Variants in TRIOBP observed in about 807,000 individuals in gnomAD.
The protein encoded by TRIOBP is TRIO and F-actin-binding protein.
TRIOBP carries 169 observed loss-of-function variants against 238.8 expected under a neutral mutation model. The observed-to-expected ratio is 0.71, with a 90% CI of 0.62 to 0.80. TRIOBP has a LOEUF of 0.80. TRIOBP is among the 30% of genes least tolerant of loss of function. TRIOBP has a pLI of 0.00. For missense variants in TRIOBP, 2,838 were observed against 3,122.6 expected (o/e 0.91, Z 2.17); for synonymous variants, 1,150 against 1,274.4 (o/e 0.90, Z 2.08).
intron 11 of TRIOBP, chr22:37,751,363 G>C (rs544814323): frequency 5.9e-6 from 2 of 339,694 alleles, no homozygotes; most frequent in East Asian, 7.8e-5. Context: ...CTTGGTCCTC[G>C]TCAGAGGGAG....
At chr22:37,769,653 T>C (rs1384294507) in intron 21 of TRIOBP, among the ~76,000 whole-genome samples, 1 of 152,216 alleles carries the variant, frequency 6.6e-6, no homozygotes, top group Non-Finnish European at 1.5e-5. Flanking sequence ...GCACCTTCCT[T>C]ACTGGGAAAT....
At chr22:37,760,970 CAAA>C (rs1011701001) in intron 17 of TRIOBP, among the ~76,000 whole-genome samples, 5 of 108,298 alleles carry the variant, frequency 4.6e-5, no homozygotes, top group Admixed American at 1.0e-4. Context: ...GACTCCATCT[CAAA>C]AAAAAAAAAA....
Position 37,758,037 on chromosome 22 carries a change from C to T in TRIOBP, c.6112C>T (p.Leu2038=). 1 of 1,611,824 alleles carries T rather than the reference C, an allele frequency of 6.2e-7. No homozygotes were observed. Among genetic ancestry groups the T allele is most frequent in the Non-Finnish European group, 8.5e-7 (1 of 1,179,620 alleles). Reference sequence around the variant, plus strand: ...GTGGCAGGAGCTGGAGAAGCTGCCCCTGCGGGAGAATAAGCGGGTGCCCCT... The same window carrying T: ...GTGGCAGGAGCTGGAGAAGCTGCCCTTGCGGGAGAATAAGCGGGTGCCCCT... ...KKWQELEKLP[L]RENKRVPLTA... is the part of the protein sequence containing the mutation. The change falls in exon 16 of 24, where the codon CTG becomes TTG. Residue 2038 remains leucine, a synonymous_variant. Transcript: ENST00000644935.
chr22:37,720,000 C>CCTTT (rs1923747483), intron 6 of TRIOBP, among the ~76,000 whole-genome samples: 1 of 54,348 alleles, frequency 1.8e-5, no homozygotes, highest in Non-Finnish European at 3.2e-5. Flanking sequence ...CCCCCCCGCC[C>CCTTT]TTTTTTTTTT....
chr22:37,769,313 G>A lies in TRIOBP; in HGVS notation c.6787G>A (p.Ala2263Thr), dbSNP rs1182650027. 3 of 1,611,872 alleles carry A rather than the reference G, an allele frequency of 1.9e-6. No homozygotes were observed. Among genetic ancestry groups the A allele is most frequent in the East Asian group, 4.5e-5 (2 of 44,824 alleles). The change falls in exon 21 of 24, where the codon GCC becomes ACC. Residue 2263 changes from alanine (A) to threonine (T), a missense_variant. Physicochemically the swap from Ala to Thr is moderately conservative, Grantham distance 58 (BLOSUM62 0). Transcript: ENST00000644935. ...GATAGACCAGCTGCGCGGCTTCATT[G>A]CCTCGCAGGGCATGGGCAATGGCTG... ...EEIDQLRGFI[A>T]SQGMGNGCGR...
chr22:37,750,081 C>T (rs1014047801), intron 11 of TRIOBP, among the ~76,000 whole-genome samples: 2 of 152,176 alleles, frequency 1.3e-5, no homozygotes, highest in Admixed American at 6.5e-5. Context: ...TGTACAGACA[C>T]GTTCAGTCCT....
In TRIOBP at chr22:37,750,677, G is replaced by T. The variant is rs1281160530; in HGVS notation, c.5323-1095G>T. The stretch of plus-strand genomic sequence containing the variant: ...AGGGGCTGGGATGCCAACCTACTGG[G>T]TCCCCCGACTGTGGCTGTGGAAGGT... On this transcript the variant is annotated intron_variant, in intron 11 of 23. Transcript: ENST00000644935. The T allele has an allele frequency of 6.4e-6, 3 of 471,138 alleles. No homozygotes were observed. In the Admixed American group the frequency reaches 7.0e-5, roughly 11 times the overall value. The allele number at this position is 471,138 out of a possible 1,614,324, so 29.2% of individuals were successfully genotyped here. A position where few individuals can be genotyped will look rare whatever the true frequency, so the allele number is the denominator to read the frequency against.
At chr22:37,751,905 T>A (rs1206424969) in intron 12 of TRIOBP, 77 bp downstream of exon 12, 23 of 480,110 alleles carry the variant, frequency 4.8e-5, no homozygotes, top group Non-Finnish European at 7.0e-5. Context: ...GGAGTGGGGG[T>A]GGGGCTGGGG....
chr22:37,739,976 C>T (rs1456011512), intron 10 of TRIOBP, among the ~76,000 whole-genome samples: 1 of 152,226 alleles, frequency 6.6e-6, no homozygotes, highest in African/African-American at 2.4e-5. Context: ...TTCATGCATT[C>T]TTTCACACAC....
intron 6 of TRIOBP, among the ~76,000 whole-genome samples, chr22:37,721,019 G>A (rs1264616774): frequency 7.4e-5 from 9 of 122,004 alleles, no homozygotes; most frequent in African/African-American, 7.3e-5. Context: ...TACTGCATCC[G>A]GCTAATTTTT....
chr22:37,760,444 C>T (rs1312864435), intron 17 of TRIOBP: 1 of 152,218 alleles, frequency 6.6e-6, no homozygotes, highest in African/African-American at 2.4e-5. Context: ...TCACACTATT[C>T]ACTAGGATTT....
In TRIOBP at chr22:37,717,374, C is replaced by G. The variant is rs143012274; in HGVS notation, c.628+1440C>G. ...TCCACAGCATGGAAGAGGACCCGAG[C>G]GGGTTGCCAGAGCTGGCTGGGGCAG... On this transcript the variant is annotated intron_variant, in intron 6 of 23. Coordinates refer to ENST00000644935, the MANE Select transcript of TRIOBP (RefSeq NM_001039141.3). Among the ~76,000 whole-genome samples, 766 of 152,286 alleles carry G rather than the reference C, an allele frequency of 5.0e-3. 8 individuals are homozygous for G. The highest frequency in any genetic ancestry group is 0.018 in the African/African-American group (735 of 41,564).
At position 37,725,175 on chromosome 22, in the gene TRIOBP, C is replaced by T. The variant is rs774057845; in HGVS notation, c.2619C>T (p.Thr873=). 2 of 1,614,102 alleles carry T rather than the reference C, an allele frequency of 1.2e-6. No individual in the cohort carries two copies. Among genetic ancestry groups the T allele is most frequent in the Non-Finnish European group, 1.7e-6 (2 of 1,180,004 alleles). Reference sequence around the variant, plus strand: ...GAACCTCCTCATCTCAATGCTGCACCCAAAAGGAGAATCTGAGACCATCAT... The same window carrying T: ...GAACCTCCTCATCTCAATGCTGCACTCAAAAGGAGAATCTGAGACCATCAT... The part of the protein sequence containing the change: ...NPGTSSSQCC[T]QKENLRPSSP... The change falls in exon 7 of 24, where the codon ACC becomes ACT. Residue 873 remains threonine (T), a synonymous_variant. Transcript: ENST00000644935.
chr22:37,736,456 T>A (rs1234768898), intron 9 of TRIOBP, among the ~76,000 whole-genome samples: 2 of 152,138 alleles, frequency 1.3e-5, no homozygotes, highest in Non-Finnish European at 2.9e-5. Flanking sequence ...CACCCCGTGC[T>A]GGGCCCAGGG....
intron 22 of TRIOBP, among the ~76,000 whole-genome samples, chr22:37,772,090 G>A (rs974076019): frequency 6.6e-6 from 1 of 152,232 alleles, no homozygotes; most frequent in Admixed American, 6.5e-5. Flanking sequence ...ACTCCAGTGA[G>A]AATAACCACG....
intron 15 of TRIOBP, among the ~76,000 whole-genome samples, chr22:37,757,036 T>C (rs540438179): frequency 6.6e-6 from 1 of 152,232 alleles, no homozygotes; most frequent in Non-Finnish European, 1.5e-5. Flanking sequence ...GGCGTCGCTG[T>C]CCCACATTAC....
At chr22:37,770,625 C>T (rs915392451) in intron 21 of TRIOBP, among the ~76,000 whole-genome samples, 1 of 151,978 alleles carries the variant, frequency 6.6e-6, no homozygotes, top group African/African-American at 2.4e-5. Context: ...GATCCGCCCA[C>T]TTCGGCCTCT....
chr22:37,764,364 G>A (rs1192087209), intron 17 of TRIOBP, among the ~76,000 whole-genome samples: 11 of 152,196 alleles, frequency 7.2e-5, no homozygotes, highest in Admixed American at 4.6e-4. Context: ...ATCATACCAC[G>A]TGTATGTCAG....
Position 37,773,901 on chromosome 22 carries a change from CCACCA to C in TRIOBP, c.*125_*129del. On this transcript the variant is annotated 3_prime_UTR_variant, in exon 24 of 24. Transcript: ENST00000644935. ...CTGTGGGCCACACGTGCACTTGCACCCACCACACACACACACACACACACACACAC... is the reference window on the plus strand; with the variant it reads ...CTGTGGGCCACACGTGCACTTGCACCCACACACACACACACACACACACAC... The C allele has an allele frequency of 9.0e-6, 1 of 110,924 alleles. No individual in the cohort carries two copies. The highest frequency in any genetic ancestry group is 1.8e-5 in the Non-Finnish European group (1 of 54,078). 6.9% of individuals were successfully genotyped at this position (110,924 alleles called of 1,614,324 possible).
Sources: gnomAD v4.1 joint callset for allele counts (sites outside exome capture counted in the v4.1 genomes callset) on GRCh38, gnomAD v4.1.1 for gene constraint, MANE v1.5 for transcripts, NCBI Gene and HGNC (gene_info 2026-07-23, HGNC 2026-07-21) for gene names.